The following SUFU variants were observed in gnomAD, a reference collection of about 807,000 sequenced individuals.
The protein encoded by SUFU is SUFU negative regulator of hedgehog signaling.
SUFU carries 7 observed loss-of-function variants against 58.9 expected under a neutral mutation model. That is an observed-to-expected ratio of 0.12 (90% CI 0.07 to 0.22). The LOEUF (loss-of-function observed/expected upper bound fraction) is 0.22. SUFU is among the 10% of genes least tolerant of loss of function. SUFU has a pLI of 1.00. For missense variants in SUFU, 451 were observed against 641.3 expected, an observed-to-expected ratio of 0.70 and a Z score of 3.20; for synonymous variants, 232 against 254.8, an observed-to-expected ratio of 0.91 and a Z score of 0.85.
chr10:102,586,178 C>G (rs1590055436), intron 3 of SUFU, among the ~76,000 whole-genome samples: 1 of 151,964 alleles, frequency 6.6e-6, no homozygotes, highest in African/African-American at 2.4e-5. Flanking sequence ...AGCCACCATG[C>G]CCGGCCAGCT....
chr10:102,599,667 T>G, intron 8 of SUFU, 123 bp downstream of exon 8: 69 of 863,384 alleles, frequency 8.0e-5, no homozygotes, highest in Non-Finnish European at 9.8e-5. Context: ...CCAGGATCTC[T>G]AGGCTTAAGG....
intron 2 of SUFU, among the ~76,000 whole-genome samples, chr10:102,525,770 C>T (rs1354943965): frequency 6.6e-6 from 1 of 152,108 alleles, no homozygotes; most frequent in Non-Finnish European, 1.5e-5. Flanking sequence ...TCCCAAAGTG[C>T]TAGGATTACA....
chr10:102,519,680 C>T (rs2062523752), intron 2 of SUFU, among the ~76,000 whole-genome samples: 1 of 152,138 alleles, frequency 6.6e-6, no homozygotes, highest in Non-Finnish European at 1.5e-5. Flanking sequence ...GGGATGTGCC[C>T]AGCATCTCAG....
At chr10:102,572,400 T>C (rs907383471) in intron 3 of SUFU, among the ~76,000 whole-genome samples, 1 of 149,094 alleles carries the variant, frequency 6.7e-6, no homozygotes, top group African/African-American at 2.5e-5. Context: ...TTCTTTTTTT[T>C]TTTTTTTGAG....
At chr10:102,548,307 T>G (rs2031601) in intron 2 of SUFU, among the ~76,000 whole-genome samples, 52,958 of 152,028 alleles carry the variant, frequency 0.35, 9,388 homozygotes, top group African/African-American at 0.39. Flanking sequence ...GTGCAGGAGG[T>G]CTGGGTTCAC....
intron 8 of SUFU, among the ~76,000 whole-genome samples, chr10:102,601,599 T>C (rs2063515686): frequency 6.6e-6 from 1 of 152,192 alleles, no homozygotes; most frequent in Non-Finnish European, 1.5e-5. Context: ...TGTTAGCAAT[T>C]GGTTGAGAAA....
In SUFU at chr10:102,617,916, C is replaced by G. The variant is rs954998575; in HGVS notation, c.1296+488C>G. On this transcript the variant is annotated intron_variant, in intron 10 of 11. Coordinates refer to ENST00000369902, the MANE Select transcript of SUFU (RefSeq NM_016169.4). This position sits in a 1 kb window ranked among gnomAD's most constrained non-coding sequence, Gnocchi z 4.4. ...AGAGCCTCCCCTTCTTAGCCTACCCCCATCTGACAGCCCTCCCGTTCCTCC... is the reference window on the plus strand; with the variant it reads ...AGAGCCTCCCCTTCTTAGCCTACCCGCATCTGACAGCCCTCCCGTTCCTCC... 2.0e-5 allele frequency: 5 copies of G among 244,482 alleles called. No individual in the cohort carries two copies. Among genetic ancestry groups the G allele is most frequent in the Non-Finnish European group, 3.1e-5 (4 of 126,990 alleles). The allele number at this position is 244,482 out of a possible 1,614,324, so 15.1% of individuals were successfully genotyped here.
intron 3 of SUFU, among the ~76,000 whole-genome samples, chr10:102,566,590 C>G (rs1258457778): frequency 6.6e-6 from 1 of 152,006 alleles, no homozygotes; most frequent in Non-Finnish European, 1.5e-5. Flanking sequence ...TAGTGAAACC[C>G]CGTCTCTACT....
At chr10:102,541,054 C>T (rs9665634) in intron 2 of SUFU, among the ~76,000 whole-genome samples, 150,815 of 152,178 alleles carry the variant, frequency 0.99, 74,749 homozygotes, top group East Asian at 1. Context: ...TATATCTTTT[C>T]TTCCCCCTTT....
chr10:102,600,192 A>AC (rs1293078422), intron 8 of SUFU, among the ~76,000 whole-genome samples: 1 of 151,832 alleles, frequency 6.6e-6, no homozygotes, highest in East Asian at 1.9e-4. Context: ...GAAGCTGGGC[A>AC]CCCCCCTCTG....
At chr10:102,528,145 G>A (rs2062632990) in intron 2 of SUFU, among the ~76,000 whole-genome samples, 1 of 152,278 alleles carries the variant, frequency 6.6e-6, no homozygotes, top group Admixed American at 6.5e-5. Context: ...GGGGCTGGCT[G>A]ACCTTTGAGT....
rs570278191 is a variant in SUFU at position 102,579,241 on chromosome 10, G to T, written c.455-13341G>T. On this transcript the variant is annotated intron_variant, in intron 3 of 11. Transcript: ENST00000369902. ...GGCAGTCAGGGTCCTCACCCTCATT[G>T]GGGGGAGAATGAGGCTGTCTGCTGT... Among the ~76,000 whole-genome samples the T allele has an allele frequency of 2.0e-5, 3 of 152,276 alleles. No individual in the cohort carries two copies. The East Asian group carries it at 5.8e-4, about 29-fold the overall frequency.
At chr10:102,585,341 G>T (rs993735154) in intron 3 of SUFU, among the ~76,000 whole-genome samples, 1 of 152,082 alleles carries the variant, frequency 6.6e-6, no homozygotes, top group African/African-American at 2.4e-5. Flanking sequence ...GGTCTATTAT[G>T]ACTGGCTTTT....
In SUFU at chr10:102,544,477, G is replaced by A. The variant is rs1450128555; in HGVS notation, c.318-5493G>A. On this transcript the variant is annotated intron_variant, in intron 2 of 11. Transcript: ENST00000369902. The stretch of plus-strand genomic sequence containing the variant: ...GCACTTTGGGAGGCCGAGACGGGCA[G>A]ATCACTTGAGATCAGGAGTTTGAGA... Among the ~76,000 whole-genome samples, 5 of 152,192 alleles carry A rather than the reference G, an allele frequency of 3.3e-5. No individual in the cohort carries two copies. In the East Asian group the frequency reaches 9.6e-4, roughly 29 times the overall value.
At chr10:102,607,622 G>A (rs778923279) in intron 8 of SUFU, among the ~76,000 whole-genome samples, 12 of 152,080 alleles carry the variant, frequency 7.9e-5, no homozygotes, top group Admixed American at 3.3e-4. Flanking sequence ...AGCCTGAAAA[G>A]GAAATACCAG....
intron 2 of SUFU, among the ~76,000 whole-genome samples, chr10:102,547,431 C>T (rs1283151321): frequency 6.6e-6 from 1 of 152,218 alleles, no homozygotes; most frequent in Non-Finnish European, 1.5e-5. Flanking sequence ...TTCTGCTGGC[C>T]TGGTCTCCAA....
At chr10:102,592,843 T>A in intron 4 of SUFU, 119 bp downstream of exon 4, 1 of 1,161,106 alleles carries the variant, frequency 8.6e-7, no homozygotes, top group Non-Finnish European at 1.3e-6. Context: ...TCGTCCTGAT[T>A]TCTGTTTCCT....
At position 102,531,246 on chromosome 10, in the gene SUFU, C is replaced by CT. The variant is rs144345814; in HGVS notation, c.318-18721dup. ...CTCCAGCCTGGGCAACAGAGTGAGA[C>CT]TTTATCTCTAAAAGAATAAAAAATA... On this transcript the variant is annotated intron_variant, in intron 2 of 11. Transcript: ENST00000369902. Among the ~76,000 whole-genome samples, 1,336 of 152,248 alleles carry CT rather than the reference C, an allele frequency of 8.8e-3. 18 individuals carry two copies. The highest frequency in any genetic ancestry group is 0.03 in the African/African-American group (1,259 of 41,554).
chr10:102,619,735 G>C lies in SUFU; in HGVS notation c.1296+2307G>C, dbSNP rs1590086624. ...CTCTGACTGCCAGCCAGCCGCCCCT[G>C]TTAGGGTCCTGCCACTGTGGTCACA... On this transcript the variant is annotated intron_variant, in intron 10 of 11. Transcript: ENST00000369902. The surrounding 1 kb of genome is among the most constrained non-coding windows in gnomAD (Gnocchi z 4.2). 6.6e-6 allele frequency among the ~76,000 whole-genome samples: 1 copy of C among 152,202 alleles called. No individual in the cohort carries two copies. Among genetic ancestry groups the C allele is most frequent in the South Asian group, 2.1e-4 (1 of 4,836 alleles).
Sources: allele counts gnomAD v4.1 joint callset (sites outside exome capture counted in the v4.1 genomes callset), GRCh38; gene constraint gnomAD v4.1.1; non-coding constraint Gnocchi (gnomAD v3.1); transcripts MANE v1.5; gene names NCBI Gene and HGNC (gene_info 2026-07-23, HGNC 2026-07-21).